SLC4A10: variants seen among roughly 807,000 people sequenced by gnomAD.
The protein encoded by SLC4A10 is solute carrier family 4 member 10.
A neutral mutation model predicts 137.7 loss-of-function variants in SLC4A10; 42 were observed. The ratio of observed to expected loss-of-function variants is 0.30; its 90% CI spans 0.24 to 0.39. SLC4A10 has a LOEUF of 0.39. Ranked by LOEUF, SLC4A10 falls within the 10% of genes least tolerant of loss-of-function variation. The pLI, the probability that SLC4A10 is intolerant of heterozygous loss-of-function variation, is 1.00. For missense variants in SLC4A10, 925 were observed against 1,355.0 expected (o/e 0.68, Z 4.98); for synonymous variants, 474 against 464.1 (o/e 1.02, Z -0.27).
At chr2:161,904,670 A>C in intron 13 of SLC4A10, 106 bp from the exon 14 acceptor site, 1 of 1,387,588 alleles carries the variant, frequency 7.2e-7, no homozygotes, top group Non-Finnish European at 9.7e-7. Context: ...TAGACTTTTC[A>C]GGGTGAAGCA....
chr2:161,977,277 CATAA>C (rs1351471783), intron 25 of SLC4A10: 5 of 366,894 alleles, frequency 1.4e-5, no homozygotes, highest in African/African-American at 6.3e-5. Context: ...TATAAATATG[CATAA>C]ATATTTATAT....
chr2:161,921,421 A>T (rs1688111735), intron 15 of SLC4A10, among the ~76,000 whole-genome samples: 1 of 152,232 alleles, frequency 6.6e-6, no homozygotes, highest in Non-Finnish European at 1.5e-5. Context: ...AATAGGTTAG[A>T]AGGTGATCAC....
At chr2:161,901,070 G>A in intron 12 of SLC4A10, 59 bp downstream of exon 12, 2 of 1,267,928 alleles carry the variant, frequency 1.6e-6, no homozygotes, top group Non-Finnish European at 2.2e-6. Context: ...ATTCTTCTCT[G>A]TCAGAAATTG....
intron 1 of SLC4A10, among the ~76,000 whole-genome samples, chr2:161,747,412 G>A (rs1004330078): frequency 6.6e-6 from 1 of 152,170 alleles, no homozygotes; most frequent in Non-Finnish European, 1.5e-5. Context: ...GCATCACACT[G>A]CACTGCCAGG....
At position 161,736,745 on chromosome 2, in the gene SLC4A10, G is replaced by C. The variant is rs146093896; in HGVS notation, c.49-34228G>C. On this transcript the variant is annotated intron_variant, in intron 1 of 26. Coordinates refer to ENST00000446997, the MANE Select transcript of SLC4A10 (RefSeq NM_001178015.2). ...AAATTCAAGATGAGATTTGGGTGGG[G>C]ACACAGCCAAACCATATCAGACTTG... is the stretch of plus-strand genomic sequence containing the variant. Among the ~76,000 whole-genome samples, 534 of 152,176 alleles carry C rather than the reference G, an allele frequency of 3.5e-3. 7 individuals carry two copies. The highest frequency in any genetic ancestry group is 0.012 in the African/African-American group (506 of 41,524).
At chr2:161,968,889 A>G (rs2044784727) in intron 23 of SLC4A10, among the ~76,000 whole-genome samples, 1 of 152,192 alleles carries the variant, frequency 6.6e-6, no homozygotes, top group African/African-American at 2.4e-5. Flanking sequence ...GGATCTTGGT[A>G]TTCTATTTTC....
chr2:161,704,376 G>A (rs913757492), intron 1 of SLC4A10, among the ~76,000 whole-genome samples: 2 of 151,656 alleles, frequency 1.3e-5, no homozygotes, highest in African/African-American at 2.4e-5. Flanking sequence ...GTCAATGAAA[G>A]TAGATTTGAA....
intron 6 of SLC4A10, among the ~76,000 whole-genome samples, chr2:161,870,235 G>A (rs1426756459): frequency 6.6e-6 from 1 of 151,536 alleles, no homozygotes; most frequent in East Asian, 1.9e-4. Flanking sequence ...TGAGCTGAAG[G>A]TAATTTATGA....
intron 1 of SLC4A10, among the ~76,000 whole-genome samples, chr2:161,700,866 A>T (rs1380882461): frequency 2.6e-5 from 4 of 152,124 alleles, no homozygotes; most frequent in African/African-American, 9.6e-5. Flanking sequence ...GATCTTGGAA[A>T]CTACTGCTCA....
intron 6 of SLC4A10, among the ~76,000 whole-genome samples, chr2:161,868,955 T>C (rs1302183814): frequency 2.6e-5 from 4 of 151,534 alleles, no homozygotes; most frequent in Non-Finnish European, 5.9e-5. Context: ...TAGGAAATAA[T>C]ATGGGTAGTG....
intron 3 of SLC4A10, among the ~76,000 whole-genome samples, chr2:161,817,484 A>G (rs1192606315): frequency 6.6e-6 from 1 of 152,070 alleles, no homozygotes; most frequent in Non-Finnish European, 1.5e-5. Flanking sequence ...CTTTAGTTTA[A>G]TTAGATCCCA....
intron 5 of SLC4A10, among the ~76,000 whole-genome samples, chr2:161,857,029 T>A (rs1265369011): frequency 1.3e-5 from 2 of 152,198 alleles, no homozygotes; most frequent in Admixed American, 6.5e-5. Flanking sequence ...TCACATTTCT[T>A]AAATTATGTA....
chr2:161,854,207 C>T (rs765339744), intron 4 of SLC4A10, among the ~76,000 whole-genome samples: 4 of 152,270 alleles, frequency 2.6e-5, no homozygotes, highest in East Asian at 3.9e-4. Context: ...AATTCCTAAA[C>T]GGATAAGAAT....
rs181006436 is a variant in SLC4A10 at position 161,908,873 on chromosome 2, G to A, written c.1997+2986G>A. Among the ~76,000 whole-genome samples the A allele has an allele frequency of 4.7e-4, 72 of 151,996 alleles. No homozygotes were observed. The East Asian group carries it at 5.8e-3, about 12-fold the overall frequency. ...ATGATGAAAAGAGTAGATAAACATG[G>A]GATTGCAACCTCCCAGGAGTCAAAA... is the stretch of plus-strand genomic sequence containing the variant. On this transcript the variant is annotated intron_variant, in intron 15 of 26. Coordinates refer to ENST00000446997, the MANE Select transcript of SLC4A10 (RefSeq NM_001178015.2).
At chr2:161,795,050 AT>A (rs1033700160) in intron 2 of SLC4A10, among the ~76,000 whole-genome samples, 13 of 151,540 alleles carry the variant, frequency 8.6e-5, no homozygotes, top group Non-Finnish European at 1.9e-4. Flanking sequence ...AGGAGGTAAA[AT>A]TTTTTTTTAC....
chr2:161,788,737 TG>T (rs1206225881), intron 2 of SLC4A10, among the ~76,000 whole-genome samples: 3 of 152,210 alleles, frequency 2.0e-5, no homozygotes, highest in Admixed American at 2.0e-4. Context: ...TCAACTTGTC[TG>T]CCCTTCGTTG....
chr2:161,627,790 A>C (rs903386339), intron 1 of SLC4A10, among the ~76,000 whole-genome samples: 2 of 152,088 alleles, frequency 1.3e-5, no homozygotes, highest in Non-Finnish European at 2.9e-5. Flanking sequence ...GCTATGTCTG[A>C]AGTTACAGAA....
At chr2:161,827,453 A>G (rs2058088241) in intron 3 of SLC4A10, among the ~76,000 whole-genome samples, 1 of 152,218 alleles carries the variant, frequency 6.6e-6, no homozygotes, top group South Asian at 2.1e-4. Context: ...TAATGGCATG[A>G]TTATTCTACC....
chr2:161,755,489 T>C (rs1439051205), intron 1 of SLC4A10, among the ~76,000 whole-genome samples: 1 of 152,160 alleles, frequency 6.6e-6, no homozygotes, highest in Non-Finnish European at 1.5e-5. Context: ...TCAAGGGTTC[T>C]CCAGCAGCCA....
Sources: gnomAD v4.1 joint callset for allele counts (sites outside exome capture counted in the v4.1 genomes callset) on GRCh38, gnomAD v4.1.1 for gene constraint, MANE v1.5 for transcripts, NCBI Gene and HGNC (gene_info 2026-07-23, HGNC 2026-07-21) for gene names.